ANK3: variants seen among roughly 807,000 people sequenced by gnomAD.
ANK3 encodes ankyrin 3, also known as ankyrin-3.
A neutral mutation model predicts 370.9 loss-of-function variants in ANK3; 57 were observed. That is an observed-to-expected ratio of 0.15 (90% CI 0.12 to 0.19). The LOEUF (loss-of-function observed/expected upper bound fraction) is 0.19. ANK3 is among the 10% of genes least tolerant of loss of function. The probability of loss-of-function intolerance (pLI) is 1.00; values close to 1 mark genes in which losing one functional copy is unlikely to be tolerated. For missense variants in ANK3, 4,439 were observed against 5,302.1 expected (o/e 0.84, Z 5.06); for synonymous variants, 1,929 against 1,946.3 (o/e 0.99, Z 0.23).
intron 1 of ANK3, among the ~76,000 whole-genome samples, chr10:60,673,725 A>G (rs886116097): frequency 1.6e-4 from 25 of 152,324 alleles, no homozygotes; most frequent in African/African-American, 6.0e-4. Context: ...ACAAGTATCT[A>G]CTAAACTCTA....
intron 41 of ANK3, among the ~76,000 whole-genome samples, chr10:60,057,605 C>A (rs1262450391): frequency 1.3e-5 from 2 of 152,166 alleles, no homozygotes; most frequent in South Asian, 4.1e-4. Context: ...GTCCACATTG[C>A]TTGCCGGCGT....
At chr10:60,205,171 T>C (rs537634756) in intron 11 of ANK3, among the ~76,000 whole-genome samples, 252 of 152,260 alleles carry the variant, frequency 1.7e-3, no homozygotes, top group Non-Finnish European at 3.0e-3. Context: ...CTGAGTTGGT[T>C]CCTATGAGAG....
chr10:60,064,109 T>A (rs1306471958), intron 39 of ANK3, 48 bp downstream of exon 39: 1 of 1,497,692 alleles, frequency 6.7e-7, no homozygotes, highest in Non-Finnish European at 8.9e-7. Flanking sequence ...ATCTAAAATA[T>A]TACATTTATG....
intron 25 of ANK3, among the ~76,000 whole-genome samples, chr10:60,131,096 C>T (rs1004097500): frequency 4.6e-5 from 7 of 152,108 alleles, no homozygotes; most frequent in African/African-American, 1.7e-4. Flanking sequence ...ATGCATACCC[C>T]AATATTCTCT....
chr10:60,340,381 T>C (rs1053062581), intron 1 of ANK3, among the ~76,000 whole-genome samples: 2 of 152,090 alleles, frequency 1.3e-5, no homozygotes, highest in African/African-American at 4.8e-5. Flanking sequence ...CTACAAGTTG[T>C]ATATATCCAG....
rs761752696 is a variant in ANK3 at position 60,477,516 on chromosome 10, TACACACACACAC to T, written c.96+137658_96+137669del. Reference sequence around the variant, plus strand: ...ATACCTACTGACAGACAGACAGACATACACACACACACACACACACACACACACACACACACA... The same window carrying T: ...ATACCTACTGACAGACAGACAGACATACACACACACACACACACACACACA... On this transcript the variant is annotated intron_variant, in intron 2 of 43. Transcript: ENST00000373827. Among the ~76,000 whole-genome samples the T allele has an allele frequency of 3.6e-3, 443 of 122,692 alleles. 2 individuals are homozygous for T. Among genetic ancestry groups the T allele is most frequent in the African/African-American group, 0.011 (376 of 32,818 alleles). 80.5% of individuals were successfully genotyped at this position (122,692 alleles called of 152,430 possible). A position where few individuals can be genotyped will look rare whatever the true frequency, so the allele number is the denominator to read the frequency against.
intron 2 of ANK3, among the ~76,000 whole-genome samples, chr10:60,523,208 C>T (rs189256120): frequency 4.3e-4 from 65 of 152,018 alleles, no homozygotes; most frequent in African/African-American, 1.5e-3. Flanking sequence ...AAAAGTAGTT[C>T]GTCAGAGATA....
chr10:60,435,217 T>C (rs1296595158), intron 2 of ANK3, among the ~76,000 whole-genome samples: 1 of 152,168 alleles, frequency 6.6e-6, no homozygotes, highest in East Asian at 1.9e-4. Context: ...TTGTTGGTCA[T>C]TGGAATGTAT....
At chr10:60,684,193 A>C (rs17243345) in intron 1 of ANK3, among the ~76,000 whole-genome samples, 6,124 of 152,284 alleles carry the variant, frequency 0.04, 162 homozygotes, top group Middle Eastern at 0.071. Context: ...TTTGACATCT[A>C]TGTTAATCCT....
chr10:60,187,965 C>T (rs2096386348), intron 16 of ANK3, among the ~76,000 whole-genome samples: 1 of 152,156 alleles, frequency 6.6e-6, no homozygotes, highest in Non-Finnish European at 1.5e-5. Flanking sequence ...GCCTCAACCC[C>T]TACCCCCAAC....
chr10:60,240,281 C>CACATAT (rs1555185825), intron 7 of ANK3, among the ~76,000 whole-genome samples: 4 of 88,350 alleles, frequency 4.5e-5, no homozygotes, highest in East Asian at 2.9e-4. Flanking sequence ...TACACACACA[C>CACATAT]ATATATATAT....
At position 60,075,358 on chromosome 10, in the gene ANK3, G is replaced by A. The variant is rs190971934; in HGVS notation, c.5523C>T (p.Asp1841=). 6.2e-7 allele frequency: 1 copy of A among 1,614,114 alleles called. No individual in the cohort carries two copies. Among genetic ancestry groups the A allele is most frequent in the Non-Finnish European group, 8.5e-7 (1 of 1,179,998 alleles). Residue 1841 remains aspartate (D), a synonymous_variant, in exon 37 of 44, where the codon GAC becomes GAT. Coordinates refer to ENST00000280772, the MANE Select transcript of ANK3 (RefSeq NM_020987.5). The part of the protein sequence containing the change: ...LPEPALKKLP[D]SNSFTKSAAA... Reference sequence around the variant, plus strand: ...CTGCTGATTTTGTAAATGAATTAGAGTCTGGAAGTTTCTTTAATGCTGGTT... The same window carrying A: ...CTGCTGATTTTGTAAATGAATTAGAATCTGGAAGTTTCTTTAATGCTGGTT...
At chr10:60,668,183 C>T (rs778244362) in intron 1 of ANK3, among the ~76,000 whole-genome samples, 1 of 151,372 alleles carries the variant, frequency 6.6e-6, no homozygotes, top group Non-Finnish European at 1.5e-5. Flanking sequence ...TAATTCTCAC[C>T]CTCCCCCACA....
In ANK3 at chr10:60,602,578, G is replaced by A. The variant is rs994223407; in HGVS notation, c.96+12608C>T. 2.0e-5 allele frequency among the ~76,000 whole-genome samples: 3 copies of A among 152,144 alleles called. No individual in the cohort carries two copies. The East Asian group carries it at 5.8e-4, about 29-fold the overall frequency. On this transcript the variant is annotated intron_variant, in intron 2 of 43. Transcript: ENST00000373827. ...AAATTTTAGATTTTATGTCAATGGGGCCCATGTAATCAGAGGTTCTTAAAT... is the reference window on the plus strand; with the variant it reads ...AAATTTTAGATTTTATGTCAATGGGACCCATGTAATCAGAGGTTCTTAAAT...
At chr10:60,601,367 C>A (rs971658868) in intron 2 of ANK3, among the ~76,000 whole-genome samples, 3 of 151,818 alleles carry the variant, frequency 2.0e-5, no homozygotes, top group Admixed American at 6.6e-5. Context: ...TTGTTCAGGT[C>A]GTCAAGGTTA....
At position 60,622,886 on chromosome 10, in the gene ANK3, C is replaced by T. The variant is rs150832276; in HGVS notation, c.58-7662G>A. ...AAAATCCCTGATCTATATGTAGTGT[C>T]AAATGCTGCATACTGACCAAAGAAC... On this transcript the variant is annotated intron_variant, in intron 1 of 43. Coordinates refer to the ANK3 transcript ENST00000373827. Among the ~76,000 whole-genome samples the T allele has an allele frequency of 1.4e-3, 214 of 152,282 alleles. 1 individual carries two copies. Among genetic ancestry groups the T allele is most frequent in the Middle Eastern group, 3.4e-3 (1 of 294 alleles).
chr10:60,483,307 T>G (rs896794600), intron 2 of ANK3, among the ~76,000 whole-genome samples: 2 of 152,190 alleles, frequency 1.3e-5, no homozygotes, highest in African/African-American at 4.8e-5. Flanking sequence ...ATCTGTAATA[T>G]CTCTATTTAA....
Position 60,071,153 on chromosome 10 carries a change from C to G in ANK3, c.9728G>C (p.Arg3243Thr). Residue 3243 changes from arginine to threonine, a missense_variant, in exon 37 of 44, where the codon AGA becomes ACA. This residue lies in a region of ANK3 where 1,601 missense variants were observed against 1,731.7 expected (regional missense o/e 0.92). Transcript: ENST00000280772. Reference protein sequence around the residue: ...PNDVSKDSNQRPKNNRVAYIE... With the variant: ...PNDVSKDSNQTPKNNRVAYIE... The stretch of plus-strand genomic sequence containing the variant: ...ATAGGCAACTCTGTTATTTTTGGGT[C>G]TTTGGTTAGAGTCTTTGCTCACGTC... The G allele has an allele frequency of 6.2e-7, 1 of 1,614,060 alleles. No individual in the cohort carries two copies. The highest frequency in any genetic ancestry group is 8.5e-7 in the Non-Finnish European group (1 of 1,179,996).
intron 2 of ANK3, among the ~76,000 whole-genome samples, chr10:60,498,748 A>G (rs147516425): frequency 3.2e-4 from 49 of 152,226 alleles, no homozygotes; most frequent in African/African-American, 1.1e-3. Context: ...ATCCCATTCC[A>G]TTGTCTTTAA....
Sources: gnomAD v4.1 joint callset for allele counts (sites outside exome capture counted in the v4.1 genomes callset) on GRCh38, gnomAD v4.1.1 for gene constraint, gnomAD v4.1.1 regional missense constraint, MANE v1.5 for transcripts, NCBI Gene and HGNC (gene_info 2026-07-23, HGNC 2026-07-21) for gene names.